SPRED1: variants seen among roughly 807,000 people sequenced by gnomAD.
The protein encoded by SPRED1 is sprouty related EVH1 domain containing 1.
Under a neutral mutation model 52.3 loss-of-function variants are expected in SPRED1, and 18 were observed. The ratio of observed to expected loss-of-function variants is 0.34; its 90% CI spans 0.24 to 0.51. The LOEUF (loss-of-function observed/expected upper bound fraction) is 0.51, where lower values mean the gene tolerates loss of function less well. Ranked by LOEUF, SPRED1 falls within the 20% of genes least tolerant of loss-of-function variation. SPRED1 has a pLI of 0.97. For missense variants in SPRED1, 485 were observed against 551.0 expected (o/e 0.88, Z 1.20); for synonymous variants, 155 against 179.7 (o/e 0.86, Z 1.10).
chr15:38,332,337 G>T (rs1444898502), intron 4 of SPRED1, among the ~76,000 whole-genome samples: 1 of 152,124 alleles, frequency 6.6e-6, no homozygotes, highest in Non-Finnish European at 1.5e-5. Context: ...AGTTTGGGAG[G>T]ATGAGATGGA....
At chr15:38,310,722 G>A (rs1191686857) in intron 2 of SPRED1, among the ~76,000 whole-genome samples, 2 of 152,026 alleles carry the variant, frequency 1.3e-5, no homozygotes, top group African/African-American at 4.8e-5. Flanking sequence ...TAAATGTTTT[G>A]TTTAGAGCAA....
intron 1 of SPRED1, among the ~76,000 whole-genome samples, chr15:38,272,630 T>C (rs2140957744): frequency 6.6e-6 from 1 of 152,340 alleles, no homozygotes; most frequent in East Asian, 1.9e-4. Context: ...CCACAGTGGC[T>C]GAACTAATTT....
At chr15:38,302,952 AG>A (rs564888902) in intron 2 of SPRED1, among the ~76,000 whole-genome samples, 3 of 152,098 alleles carry the variant, frequency 2.0e-5, no homozygotes, top group Non-Finnish European at 4.4e-5. Flanking sequence ...TCACAAGGTC[AG>A]GAAATAGCGA....
At position 38,253,121 on chromosome 15, in the gene SPRED1, GCTGCTGTTGCTCCCCCGC is replaced by G. The variant is rs1364084018; in HGVS notation, c.-51_-34del. ...CCGCCGCTGCCTCCTGCCCCTCGGT[GCTGCTGTTGCTCCCCCGC>G]CTGCTGTTGCTCCTCCATCTCCAGA... is the stretch of plus-strand genomic sequence containing the variant. On this transcript the variant is annotated 5_prime_UTR_variant, in exon 1 of 7. Coordinates refer to ENST00000299084, the MANE Select transcript of SPRED1 (RefSeq NM_152594.3). 8.1e-6 allele frequency: 12 copies of G among 1,482,394 alleles called. No individual in the cohort carries two copies. The highest frequency in any genetic ancestry group is 3.9e-5 in the Admixed American group (2 of 51,500). The allele number at this position is 1,482,394 out of a possible 1,614,324, so 91.8% of individuals were successfully genotyped here. A position where few individuals can be genotyped will look rare whatever the true frequency, so the allele number is the denominator to read the frequency against.
intron 1 of SPRED1, among the ~76,000 whole-genome samples, chr15:38,290,248 A>T (rs1292587926): frequency 1.3e-5 from 2 of 152,210 alleles, no homozygotes; most frequent in Non-Finnish European, 2.9e-5. Flanking sequence ...TTTCAGAATG[A>T]AATCATAGTA....
At chr15:38,308,875 A>G (rs1895305639) in intron 2 of SPRED1, among the ~76,000 whole-genome samples, 1 of 152,162 alleles carries the variant, frequency 6.6e-6, no homozygotes, top group Admixed American at 6.6e-5. Context: ...GTAGTTGCAT[A>G]TTTAGTTTTG....
chr15:38,275,385 A>G (rs1390782173), intron 1 of SPRED1, among the ~76,000 whole-genome samples: 1 of 152,076 alleles, frequency 6.6e-6, no homozygotes, highest in African/African-American at 2.4e-5. Context: ...CCAGCTTTGG[A>G]ACCATCCCAT....
At chr15:38,312,614 C>G (rs572457754) in intron 2 of SPRED1, among the ~76,000 whole-genome samples, 1 of 152,158 alleles carries the variant, frequency 6.6e-6, no homozygotes, top group African/African-American at 2.4e-5. Context: ...GTATATCTCA[C>G]CTCACATTCC....
chr15:38,276,107 G>A (rs1002436138), intron 1 of SPRED1, among the ~76,000 whole-genome samples: 4 of 151,990 alleles, frequency 2.6e-5, no homozygotes, highest in African/African-American at 7.2e-5. Flanking sequence ...TCATTGCAGT[G>A]CCAGAAATAT....
chr15:38,351,472 A>C lies in SPRED1; in HGVS notation c.1143A>C (p.Ser381=). The C allele has an allele frequency of 6.2e-7, 1 of 1,614,156 alleles. No individual in the cohort carries two copies. The highest frequency in any genetic ancestry group is 8.5e-7 in the Non-Finnish European group (1 of 1,180,006). ...AGAGCATGTTGTATCATTGTATGTC[A>C]GACTCAGAGGGAGATTTTTCTGATC... is the stretch of plus-strand genomic sequence containing the variant. ...CAESMLYHCM[S]DSEGDFSDPC... is the part of the protein sequence containing the mutation. The change falls in exon 7 of 7, where the codon TCA becomes TCC. Residue 381 remains serine (S), a synonymous_variant. Coordinates refer to ENST00000299084, the MANE Select transcript of SPRED1 (RefSeq NM_152594.3).
intron 2 of SPRED1, among the ~76,000 whole-genome samples, chr15:38,312,955 T>C (rs1714873431): frequency 6.6e-6 from 1 of 151,956 alleles, no homozygotes. Flanking sequence ...GTATACCTTT[T>C]ACCTAAATTC....
rs1216348163 is a variant in SPRED1, at chr15:38,355,389, C to G, written c.*3725C>G. The G allele has an allele frequency of 1.3e-5, 2 of 152,330 alleles. No homozygotes were observed. Among genetic ancestry groups the G allele is most frequent in the East Asian group, 3.9e-4 (2 of 5,186 alleles). The allele number at this position is 152,330 out of a possible 1,614,324, so 9.4% of individuals were successfully genotyped here. On this transcript the variant is annotated 3_prime_UTR_variant, in exon 7 of 7. Coordinates refer to ENST00000299084, the MANE Select transcript of SPRED1 (RefSeq NM_152594.3). ...AAGTAATGTAAATGCACTTTCAATT[C>G]ATGTGTATAGTGCCATCTGATATCT...
At chr15:38,288,087 A>T (rs753394781) in intron 1 of SPRED1, among the ~76,000 whole-genome samples, 1 of 152,144 alleles carries the variant, frequency 6.6e-6, no homozygotes, top group African/African-American at 2.4e-5. Flanking sequence ...GATTGTAACA[A>T]TATACCTGTT....
rs367660463 is a variant in SPRED1, at chr15:38,291,079, A to G, written c.33-8294A>G. Among the ~76,000 whole-genome samples the G allele has an allele frequency of 1.6e-4, 25 of 152,320 alleles. No individual in the cohort carries two copies. The South Asian group carries it at 2.1e-3, about 13-fold the overall frequency. ...GCAAGCTAGTTACTTCCTAGATACA[A>G]TGGAGATACAGGTATTGGGTAAATA... On this transcript the variant is annotated intron_variant, in intron 1 of 6. Coordinates refer to ENST00000299084, the MANE Select transcript of SPRED1 (RefSeq NM_152594.3).
intron 1 of SPRED1, among the ~76,000 whole-genome samples, chr15:38,289,079 A>G (rs899931225): frequency 1.3e-5 from 2 of 152,174 alleles, no homozygotes; most frequent in Non-Finnish European, 2.9e-5. Context: ...CTGTGTTTTT[A>G]GTTACCTCTA....
chr15:38,271,084 A>T (rs1208589671), intron 1 of SPRED1, among the ~76,000 whole-genome samples: 1 of 152,220 alleles, frequency 6.6e-6, no homozygotes. Context: ...GAATTTACTT[A>T]ATAATTATTG....
intron 1 of SPRED1, among the ~76,000 whole-genome samples, chr15:38,282,083 T>C (rs1448186507): frequency 6.6e-6 from 1 of 152,180 alleles, no homozygotes; most frequent in Non-Finnish European, 1.5e-5. Context: ...GACACCAGCA[T>C]CACTGAGTTC....
At chr15:38,297,700 G>A (rs1171104556) in intron 1 of SPRED1, among the ~76,000 whole-genome samples, 1 of 144,888 alleles carries the variant, frequency 6.9e-6, no homozygotes, top group Non-Finnish European at 1.5e-5. Flanking sequence ...TCCTGATTTT[G>A]AATTACCAGG....
intron 4 of SPRED1, among the ~76,000 whole-genome samples, chr15:38,336,402 G>GTGTGTA (rs1895917232): frequency 3.2e-5 from 2 of 63,198 alleles, no homozygotes; most frequent in African/African-American, 8.8e-5. Context: ...GTGTGTGTGT[G>GTGTGTA]TGTGTATGTG....
Sources: gnomAD v4.1 joint callset for allele counts (sites outside exome capture counted in the v4.1 genomes callset) on GRCh38, gnomAD v4.1.1 for gene constraint, MANE v1.5 for transcripts, NCBI Gene and HGNC (gene_info 2026-07-23, HGNC 2026-07-21) for gene names.